SNX29: variants seen among roughly 807,000 people sequenced by gnomAD.
SNX29 encodes the protein sorting nexin 29, also known as sorting nexin-29.
In SNX29, 78 loss-of-function variants were observed where a neutral mutation model predicts 102.1. The ratio of observed to expected loss-of-function variants is 0.76; its 90% CI spans 0.64 to 0.92. The LOEUF (loss-of-function observed/expected upper bound fraction) is 0.92. SNX29 is among the 40% of genes least tolerant of loss of function. SNX29 has a pLI of 0.00. For synonymous variants in SNX29, 580 were observed against 414.5 expected (o/e 1.40, Z -4.85); for missense variants, 1,280 against 1,061.7 (o/e 1.21, Z -2.86).
intron 14 of SNX29, among the ~76,000 whole-genome samples, chr16:12,214,074 C>T (rs751594866): frequency 1.2e-4 from 19 of 152,262 alleles, no homozygotes; most frequent in Non-Finnish European, 1.9e-4. Context: ...AAGTGGCCCT[C>T]GTCTCTCTGG....
chr16:12,060,111 T>A (rs970498323), intron 8 of SNX29, among the ~76,000 whole-genome samples: 1 of 152,046 alleles, frequency 6.6e-6, no homozygotes, highest in Non-Finnish European at 1.5e-5. Flanking sequence ...TCCGCATCTA[T>A]GGTTTCAACC....
intron 15 of SNX29, among the ~76,000 whole-genome samples, chr16:12,325,199 CTATAGCCCT>C (rs1460147412): frequency 6.6e-6 from 1 of 152,160 alleles, no homozygotes; most frequent in African/African-American, 2.4e-5. Context: ...TGCATTTTGA[CTATAGCCCT>C]TCCAGTGTGA....
intron 18 of SNX29, among the ~76,000 whole-genome samples, chr16:12,462,855 G>A (rs2086868200): frequency 6.6e-6 from 1 of 152,194 alleles, no homozygotes; most frequent in Non-Finnish European, 1.5e-5. Context: ...CATGGCTAAG[G>A]GGGGATCATG....
In SNX29 at chr16:12,514,089, G is replaced by T. The variant is rs751957896; in HGVS notation, c.2179-10613G>T. 6.6e-5 allele frequency among the ~76,000 whole-genome samples: 10 copies of T among 152,216 alleles called. 1 individual carries two copies. The highest frequency in any genetic ancestry group is 5.9e-4 in the Admixed American group (9 of 15,288). The stretch of plus-strand genomic sequence containing the variant: ...ATCCCAGGGTGGCAGGATTGGGCCT[G>T]TGGTTTTGATGAGTTCCACACCTCC... On this transcript the variant is annotated intron_variant, in intron 19 of 20. Transcript: ENST00000566228.
At chr16:12,369,702 C>A (rs2082613715) in intron 16 of SNX29, among the ~76,000 whole-genome samples, 1 of 152,136 alleles carries the variant, frequency 6.6e-6, no homozygotes, top group Non-Finnish European at 1.5e-5. Flanking sequence ...TGTTCAATTT[C>A]TGCTAAATTA....
intron 11 of SNX29, among the ~76,000 whole-genome samples, chr16:12,089,595 G>T (rs1275964024): frequency 6.6e-6 from 1 of 152,182 alleles, no homozygotes; most frequent in Non-Finnish European, 1.5e-5. Context: ...GAGGTCTCAG[G>T]ATGGGGGGTT....
rs556736572 is a variant in SNX29 at position 11,999,887 on chromosome 16, T to G, written c.69+529T>G. On this transcript the variant is annotated intron_variant, in intron 2 of 20. Transcript: ENST00000566228. Reference sequence around the variant, plus strand: ...CTGCACTCCAGCCTGGGCAACAGAGTGAGACTTTGTGTCATTAAAAAAAAA... The same window carrying G: ...CTGCACTCCAGCCTGGGCAACAGAGGGAGACTTTGTGTCATTAAAAAAAAA... 4.0e-5 allele frequency among the ~76,000 whole-genome samples: 6 copies of G among 150,032 alleles called. No homozygotes were observed. In the East Asian group the frequency reaches 9.8e-4, roughly 25 times the overall value.
chr16:12,373,814 A>C (rs1313152388), intron 16 of SNX29: 1 of 152,218 alleles, frequency 6.6e-6, no homozygotes, highest in African/African-American at 2.4e-5. Flanking sequence ...ACAAACCACC[A>C]AGGGACTGTG....
chr16:12,309,418 C>T (rs1260442468), intron 15 of SNX29, among the ~76,000 whole-genome samples: 1 of 152,184 alleles, frequency 6.6e-6, no homozygotes, highest in Non-Finnish European at 1.5e-5. Flanking sequence ...GCCCTTCTTC[C>T]CTGATCCCCC....
At chr16:12,027,497 T>C in intron 4 of SNX29, 53 bp downstream of exon 4, 1 of 1,599,758 alleles carries the variant, frequency 6.3e-7, no homozygotes. Context: ...TTCTGCTCTT[T>C]TTCTTTTTAT....
Position 12,096,614 on chromosome 16 carries a change from A to G in SNX29, c.1402+17699A>G, listed in dbSNP as rs749559505. Among the ~76,000 whole-genome samples, 21 of 152,350 alleles carry G rather than the reference A, an allele frequency of 1.4e-4. No individual in the cohort carries two copies. The highest frequency in any genetic ancestry group is 2.6e-4 in the Non-Finnish European group (18 of 68,042). On this transcript the variant is annotated intron_variant, in intron 11 of 20. Coordinates refer to ENST00000566228, the MANE Select transcript of SNX29 (RefSeq NM_032167.5). This position sits in a 1 kb window ranked among gnomAD's most constrained non-coding sequence, Gnocchi z 4.2. ...AGTGGAGTTTTATGGTAATAAAGAAATGATGAATGATTGGATGGGGCAAAA... is the reference window on the plus strand; with the variant it reads ...AGTGGAGTTTTATGGTAATAAAGAAGTGATGAATGATTGGATGGGGCAAAA...
chr16:12,159,710 A>C (rs1165763242), intron 13 of SNX29, among the ~76,000 whole-genome samples: 2 of 152,148 alleles, frequency 1.3e-5, no homozygotes, highest in African/African-American at 4.8e-5. Context: ...AAATAAGTAC[A>C]TTTAGAAATA....
intron 10 of SNX29, among the ~76,000 whole-genome samples, chr16:12,077,862 C>A (rs1030739603): frequency 6.6e-6 from 1 of 152,068 alleles, no homozygotes; most frequent in Non-Finnish European, 1.5e-5. Context: ...CTCATGTGAT[C>A]CACCCGCCTC....
chr16:12,441,566 G>A (rs570207222), intron 18 of SNX29, among the ~76,000 whole-genome samples: 41 of 152,192 alleles, frequency 2.7e-4, no homozygotes, highest in African/African-American at 8.9e-4. Context: ...CAGTTCTCCC[G>A]TTTTGTGGTT....
chr16:12,199,768 G>C, intron 14 of SNX29, 85 bp downstream of exon 14: 1 of 1,110,852 alleles, frequency 9.0e-7, no homozygotes, highest in Non-Finnish European at 1.3e-6. Flanking sequence ...CACTCAATGT[G>C]TGACGAGTGC....
intron 13 of SNX29, among the ~76,000 whole-genome samples, chr16:12,176,691 G>C (rs963212978): frequency 6.6e-6 from 1 of 152,192 alleles, no homozygotes; most frequent in African/African-American, 2.4e-5. Context: ...CCCTTGGACT[G>C]TGGTATGTGA....
intron 13 of SNX29, among the ~76,000 whole-genome samples, chr16:12,139,274 T>C (rs965258943): frequency 6.8e-6 from 1 of 146,222 alleles, no homozygotes; most frequent in African/African-American, 2.5e-5. Flanking sequence ...ACCGATCAGG[T>C]CCCTCTGAGA....
rs373952102 is a variant in SNX29, at chr16:12,169,222, G to A, written c.1596-30379G>A. ...ACAGCTGTTCTTTTAAGAAGGAGAA[G>A]CCTGACAAAGCTTCAGGGAGGCTGT... On this transcript the variant is annotated intron_variant, in intron 13 of 20. Coordinates refer to ENST00000566228, the MANE Select transcript of SNX29 (RefSeq NM_032167.5). Among the ~76,000 whole-genome samples the A allele has an allele frequency of 4.4e-4, 67 of 152,334 alleles. No homozygotes were observed. In the South Asian group the frequency reaches 5.2e-3, roughly 12 times the overall value.
chr16:12,199,719 G>C (rs771061992), intron 14 of SNX29, 36 bp downstream of exon 14: 1 of 1,585,994 alleles, frequency 6.3e-7, no homozygotes, highest in East Asian at 2.3e-5. Context: ...GGGAGGGGCC[G>C]GGCTTTTCCA....
Sources: allele counts gnomAD v4.1 joint callset (sites outside exome capture counted in the v4.1 genomes callset), GRCh38; gene constraint gnomAD v4.1.1; non-coding constraint Gnocchi (gnomAD v3.1); transcripts MANE v1.5; gene names NCBI Gene and HGNC (gene_info 2026-07-23, HGNC 2026-07-21).